ESRRG: variants seen among roughly 807,000 people sequenced by gnomAD.
The protein encoded by ESRRG is estrogen-related receptor gamma.
Under a neutral mutation model 44.0 loss-of-function variants are expected in ESRRG, and 13 were observed. The ratio of observed to expected loss-of-function variants is 0.30; its 90% CI spans 0.19 to 0.47. The LOEUF (loss-of-function observed/expected upper bound fraction) is 0.47, where lower values mean the gene tolerates loss of function less well. ESRRG is among the 20% of genes least tolerant of loss of function. The pLI, the probability that ESRRG is intolerant of heterozygous loss-of-function variation, is 1.00. For synonymous variants in ESRRG, 215 were observed against 214.6 expected (o/e 1.00, Z -0.02); for missense variants, 395 against 580.6 (o/e 0.68, Z 3.29).
intron 1 of ESRRG, among the ~76,000 whole-genome samples, chr1:216,690,300 G>A (rs73092166): frequency 3.1e-4 from 47 of 151,982 alleles, no homozygotes; most frequent in East Asian, 2.9e-3. Context: ...GTGCTTAAAC[G>A]AGTCCTAGTC....
intron 2 of ESRRG, among the ~76,000 whole-genome samples, chr1:216,674,813 G>C (rs1484003702): frequency 6.6e-6 from 1 of 151,704 alleles, no homozygotes; most frequent in Non-Finnish European, 1.5e-5. Context: ...TTCTCACTTT[G>C]TTGCCCAGAT....
intron 2 of ESRRG, among the ~76,000 whole-genome samples, chr1:216,805,811 A>C (rs879554815): frequency 2.6e-5 from 4 of 151,588 alleles, no homozygotes; most frequent in Admixed American, 6.6e-5. Context: ...TTTTTGTTTC[A>C]GTCTGTTTGT....
chr1:217,044,268 C>T (rs989956628), intron 1 of ESRRG, among the ~76,000 whole-genome samples: 1 of 152,126 alleles, frequency 6.6e-6, no homozygotes, highest in African/African-American at 2.4e-5. Context: ...CTGTGACTAG[C>T]CACTGCACAT....
chr1:216,574,635 G>T (rs1290651441), intron 3 of ESRRG, among the ~76,000 whole-genome samples: 2 of 152,022 alleles, frequency 1.3e-5, no homozygotes, highest in Non-Finnish European at 2.9e-5. Flanking sequence ...CCAAATAAAA[G>T]CTTGCTGAAA....
intron 3 of ESRRG, among the ~76,000 whole-genome samples, chr1:216,586,842 G>T (rs2063905971): frequency 6.6e-6 from 1 of 152,112 alleles, no homozygotes; most frequent in South Asian, 2.1e-4. Flanking sequence ...CTCCCAAAGT[G>T]CTGGGATTAC....
At chr1:216,790,575 G>C (rs1214540053) in intron 2 of ESRRG, among the ~76,000 whole-genome samples, 1 of 152,102 alleles carries the variant, frequency 6.6e-6, no homozygotes, top group African/African-American at 2.4e-5. Context: ...AAGAGGATAT[G>C]CAAAGATGGA....
chr1:216,596,407 G>C (rs982860583), intron 3 of ESRRG, among the ~76,000 whole-genome samples: 1 of 152,160 alleles, frequency 6.6e-6, no homozygotes, highest in African/African-American at 2.4e-5. Context: ...GTCAGAGGAG[G>C]ATGTTTGAAA....
intron 2 of ESRRG, among the ~76,000 whole-genome samples, chr1:216,775,600 G>T (rs538899708): frequency 9.3e-6 from 1 of 108,016 alleles, no homozygotes. Context: ...TTTAGACAGC[G>T]TCTCACGCTG....
intron 1 of ESRRG, among the ~76,000 whole-genome samples, chr1:217,010,069 A>T (rs567631722): frequency 1.3e-5 from 2 of 152,220 alleles, no homozygotes; most frequent in East Asian, 1.9e-4. Flanking sequence ...TAGACTAGCC[A>T]TGGGCACTTT....
intron 2 of ESRRG, among the ~76,000 whole-genome samples, chr1:216,777,382 T>C (rs2093655031): frequency 1.3e-5 from 2 of 152,196 alleles, no homozygotes; most frequent in African/African-American, 4.8e-5. Context: ...GAAAACTCTC[T>C]CAACAAGAGC....
intron 3 of ESRRG, among the ~76,000 whole-genome samples, chr1:216,573,537 T>G (rs1315371517): frequency 2.0e-5 from 3 of 151,984 alleles, no homozygotes; most frequent in African/African-American, 7.2e-5. Flanking sequence ...GCATAGAGTG[T>G]TACAATCTAT....
intron 1 of ESRRG, among the ~76,000 whole-genome samples, chr1:217,051,982 G>C (rs930619324): frequency 6.6e-6 from 1 of 150,964 alleles, no homozygotes; most frequent in African/African-American, 2.4e-5. Flanking sequence ...TGTTCCCCAG[G>C]CTGACCTCAA....
intron 5 of ESRRG, among the ~76,000 whole-genome samples, chr1:216,538,157 C>T (rs868098852): frequency 7.9e-5 from 12 of 151,888 alleles, no homozygotes; most frequent in African/African-American, 2.7e-4. Flanking sequence ...TGCATTGTGT[C>T]GACACTACTA....
At chr1:216,567,228 T>C (rs1278347457) in intron 4 of ESRRG, among the ~76,000 whole-genome samples, 1 of 152,218 alleles carries the variant, frequency 6.6e-6, no homozygotes, top group East Asian at 1.9e-4. Context: ...CTAGTTCTGT[T>C]GCACTACAAC....
intron 2 of ESRRG, among the ~76,000 whole-genome samples, chr1:216,888,632 T>G (rs1233408410): frequency 6.6e-6 from 1 of 152,196 alleles, no homozygotes; most frequent in Admixed American, 6.5e-5. Flanking sequence ...TATCAAAACT[T>G]GCTTCTACAG....
intron 2 of ESRRG, among the ~76,000 whole-genome samples, chr1:216,905,441 C>G (rs1232628717): frequency 6.6e-6 from 1 of 152,200 alleles, no homozygotes; most frequent in Non-Finnish European, 1.5e-5. Flanking sequence ...GCTCTCGGCT[C>G]AAAGGTTACC....
At chr1:216,707,507 A>G in intron 1 of ESRRG, 1 of 1,523,456 alleles carries the variant, frequency 6.6e-7, no homozygotes, top group Non-Finnish European at 8.8e-7. Flanking sequence ...AAAACCAGAA[A>G]GTTAGGGTGA....
chr1:216,774,381 G>A (rs900106907), intron 2 of ESRRG, among the ~76,000 whole-genome samples: 1 of 152,118 alleles, frequency 6.6e-6, no homozygotes, highest in Admixed American at 6.5e-5. Context: ...AGCACATGAC[G>A]TTCCATTACG....
chr1:216,723,568 A>C (rs1175702479), upstream of ESRRG: 1 of 479,922 alleles, frequency 2.1e-6, no homozygotes, highest in Non-Finnish European at 3.7e-6. Flanking sequence ...AGGCGACGGG[A>C]GGCTGCACGG....
Sources: allele counts gnomAD v4.1 joint callset (sites outside exome capture counted in the v4.1 genomes callset), GRCh38; gene constraint gnomAD v4.1.1; transcripts MANE v1.5; gene names NCBI Gene and HGNC (gene_info 2026-07-23, HGNC 2026-07-21).